Variants in SLC1A6 observed in about 807,000 individuals in gnomAD.
SLC1A6 encodes excitatory amino acid transporter 4.
Under a neutral mutation model 42.1 loss-of-function variants are expected in SLC1A6, and 15 were observed. The observed-to-expected ratio is 0.36, with a 90% CI of 0.24 to 0.55. SLC1A6 has a LOEUF of 0.55. Ranked by LOEUF, SLC1A6 falls within the 20% of genes least tolerant of loss-of-function variation. The pLI, the probability that SLC1A6 is intolerant of heterozygous loss-of-function variation, is 0.88. For missense variants in SLC1A6, 542 were observed against 772.5 expected, an observed-to-expected ratio of 0.70 and a Z score of 3.54; for synonymous variants, 317 against 319.7, an observed-to-expected ratio of 0.99 and a Z score of 0.09.
rs2045595385 is a variant in SLC1A6 at position 14,968,197 on chromosome 19, A to G, written c.548+106T>C. 8 of 940,828 alleles carry G rather than the reference A, an allele frequency of 8.5e-6. No homozygotes were observed. In the Admixed American group the frequency reaches 1.9e-4, roughly 22 times the overall value. 58.3% of individuals were successfully genotyped at this position (940,828 alleles called of 1,614,324 possible). ...CCCGTCTCTGCTCTTGACCGGACGC[A>G]TGCTTCCCAGCCTGTGGGATGACCT... is the stretch of plus-strand genomic sequence containing the variant. On this transcript the variant is annotated intron_variant, in intron 4 of 9. Transcript: ENST00000594383.
chr19:14,971,605 A>G, intron 3 of SLC1A6, 132 bp downstream of exon 3: 2 of 903,556 alleles, frequency 2.2e-6, no homozygotes, highest in Non-Finnish European at 3.4e-6. Context: ...AGGACGCTGG[A>G]CCAGACACAG....
At chr19:14,953,093 A>T (rs1356129365) in intron 8 of SLC1A6, 31 bp from the exon 9 acceptor site, 7 of 1,571,996 alleles carry the variant, frequency 4.5e-6, no homozygotes, top group African/African-American at 4.1e-5. Context: ...TGGGGAGCAG[A>T]TGGAGGGAAG....
intron 6 of SLC1A6, among the ~76,000 whole-genome samples, chr19:14,959,125 G>A (rs892827071): frequency 1.3e-5 from 2 of 152,122 alleles, no homozygotes; most frequent in Non-Finnish European, 2.9e-5. Context: ...CTACGTCCTT[G>A]TACTTTAACC....
intron 9 of SLC1A6, among the ~76,000 whole-genome samples, chr19:14,951,299 A>T (rs2045411136): frequency 6.6e-6 from 1 of 151,378 alleles, no homozygotes; most frequent in South Asian, 2.1e-4. Context: ...AAAAAAATGA[A>T]CATCTCATGC....
chr19:14,999,165 A>G (rs771148853), intron 1 of SLC1A6, among the ~76,000 whole-genome samples: 1 of 152,134 alleles, frequency 6.6e-6, no homozygotes, highest in African/African-American at 2.4e-5. Context: ...GGCGTGAGCC[A>G]CCATGCCCGG....
At chr19:14,968,256 G>A (rs2145194119) in intron 4 of SLC1A6, 47 bp downstream of exon 4, 1 of 1,416,856 alleles carries the variant, frequency 7.1e-7, no homozygotes, top group Middle Eastern at 1.8e-4. Context: ...AATAAATAAA[G>A]TCTCCTTTTT....
At chr19:14,997,139 C>T (rs1234084682) in intron 1 of SLC1A6, among the ~76,000 whole-genome samples, 1 of 152,178 alleles carries the variant, frequency 6.6e-6, no homozygotes, top group African/African-American at 2.4e-5. Flanking sequence ...AAAACTCAGT[C>T]ATCCCTCTGC....
intron 1 of SLC1A6, among the ~76,000 whole-genome samples, chr19:14,991,703 G>A (rs761143858): frequency 1.2e-4 from 18 of 150,770 alleles, no homozygotes; most frequent in Non-Finnish European, 3.0e-5. Flanking sequence ...AAAAAACCTC[G>A]GTATTAAAGA....
chr19:14,983,719 C>CAAAAAA (rs56657572), upstream of SLC1A6, among the ~76,000 whole-genome samples: 1 of 52,298 alleles, frequency 1.9e-5, no homozygotes, highest in Non-Finnish European at 3.6e-5. Context: ...ACAACAACAC[C>CAAAAAA]AAAAAAAAAA....
At chr19:15,005,085 C>T (rs1384055472) in intron 1 of SLC1A6, among the ~76,000 whole-genome samples, 4 of 152,076 alleles carry the variant, frequency 2.6e-5, no homozygotes, top group East Asian at 1.9e-4. Flanking sequence ...ATAGCAAGAT[C>T]GTGTCTCTAC....
intron 3 of SLC1A6, among the ~76,000 whole-genome samples, chr19:14,970,928 G>A (rs570975698): frequency 5.5e-4 from 84 of 152,104 alleles, no homozygotes; most frequent in Non-Finnish European, 9.4e-4. Context: ...TCAGGAAATC[G>A]ATATCATCCT....
chr19:14,971,105 G>A (rs2045635424), intron 3 of SLC1A6, among the ~76,000 whole-genome samples: 1 of 152,136 alleles, frequency 6.6e-6, no homozygotes, highest in Admixed American at 6.6e-5. Flanking sequence ...ACCCCAGCCT[G>A]GTAACAGAGC....
At chr19:14,952,483 G>C (rs12985848) in intron 9 of SLC1A6, among the ~76,000 whole-genome samples, 109,442 of 150,938 alleles carry the variant, frequency 0.73, 40,148 homozygotes, top group African/African-American at 0.84. Context: ...GTGAACCCAG[G>C]AGGCAATCTC....
In SLC1A6 at chr19:14,962,090, C is replaced by G; in HGVS notation, c.847G>C (p.Gly283Arg). ...ACTCTGCCCTTGTGTTTCATGCCACCAATGACCAGCCCAAAGGCCACAGAG... is the reference window on the plus strand; with the variant it reads ...ACTCTGCCCTTGTGTTTCATGCCACGAATGACCAGCCCAAAGGCCACAGAG... ...VFSVAFGLVI[G>R]GMKHKGRVLR... Residue 283 changes from glycine (G) to arginine (R), a missense_variant, in exon 6 of 10, where the codon GGT (glycine) becomes CGT (arginine). Transcript: ENST00000594383. The G allele has an allele frequency of 1.2e-6, 2 of 1,614,218 alleles. No homozygotes were observed. The highest frequency in any genetic ancestry group is 1.7e-6 in the Non-Finnish European group (2 of 1,180,032).
intron 7 of SLC1A6, among the ~76,000 whole-genome samples, chr19:14,955,616 G>A (rs774045240): frequency 6.8e-6 from 1 of 148,026 alleles, no homozygotes; most frequent in Non-Finnish European, 1.5e-5. Context: ...GAGGCCTCAT[G>A]TCAAACGAAA....
At chr19:14,982,283 C>T (rs1429893065), upstream of SLC1A6, among the ~76,000 whole-genome samples, 3 of 152,042 alleles carry the variant, frequency 2.0e-5, no homozygotes, top group Non-Finnish European at 4.4e-5. Context: ...TAATCCCAGC[C>T]CTTTGGAAGG....
At chr19:15,006,583 A>AG (rs2045896738) in intron 1 of SLC1A6, among the ~76,000 whole-genome samples, 1 of 150,238 alleles carries the variant, frequency 6.7e-6, no homozygotes, top group Admixed American at 6.6e-5. Context: ...TTACAAACCC[A>AG]GGGTCATTCA....
chr19:14,997,466 T>C (rs1304704729), intron 1 of SLC1A6, among the ~76,000 whole-genome samples: 1 of 152,172 alleles, frequency 6.6e-6, no homozygotes, highest in East Asian at 1.9e-4. Context: ...GATAATTGTC[T>C]CAGATATTTG....
intron 1 of SLC1A6, chr19:14,973,829 G>A (rs976317413): frequency 6.6e-6 from 1 of 152,276 alleles, no homozygotes. Flanking sequence ...AACAGCAGGT[G>A]CCCAGTAAAT....
Sources: gnomAD v4.1 joint callset for allele counts (sites outside exome capture counted in the v4.1 genomes callset) on GRCh38, gnomAD v4.1.1 for gene constraint, MANE v1.5 for transcripts, NCBI Gene and HGNC (gene_info 2026-07-23, HGNC 2026-07-21) for gene names.